The following FAIM2 variants were observed in gnomAD, a reference collection of about 807,000 sequenced individuals.
FAIM2 encodes the protein protein lifeguard 2.
Under a neutral mutation model 47.4 loss-of-function variants are expected in FAIM2, and 27 were observed. That is an observed-to-expected ratio of 0.57 (90% CI 0.42 to 0.78). The LOEUF (loss-of-function observed/expected upper bound fraction) is 0.78. FAIM2 is among the 30% of genes least tolerant of loss of function. The probability of loss-of-function intolerance (pLI) is 0.00; values close to 1 mark genes in which losing one functional copy is unlikely to be tolerated. For missense variants in FAIM2, 311 were observed against 389.4 expected, an observed-to-expected ratio of 0.80 and a Z score of 1.69; for synonymous variants, 156 against 159.3, an observed-to-expected ratio of 0.98 and a Z score of 0.16.
At chr12:49,895,860 A>G (rs1946932983) in intron 5 of FAIM2, among the ~76,000 whole-genome samples, 1 of 152,214 alleles carries the variant, frequency 6.6e-6, no homozygotes, top group Non-Finnish European at 1.5e-5. Context: ...CTCCTTGGCC[A>G]GGCAGTCAGA....
At chr12:49,879,379 T>G (rs1215845656) in intron 11 of FAIM2, among the ~76,000 whole-genome samples, 1 of 151,810 alleles carries the variant, frequency 6.6e-6, no homozygotes, top group East Asian at 1.9e-4. Flanking sequence ...TGTGTGTATA[T>G]GTGTATGTGG....
intron 11 of FAIM2, among the ~76,000 whole-genome samples, chr12:49,876,216 G>A (rs1267304999): frequency 6.6e-6 from 1 of 152,150 alleles, no homozygotes; most frequent in Non-Finnish European, 1.5e-5. Context: ...ACCAGGCACT[G>A]AGTGCTTTAC....
chr12:49,880,146 GTGTA>G (rs1401050602), intron 11 of FAIM2, among the ~76,000 whole-genome samples: 5 of 146,558 alleles, frequency 3.4e-5, no homozygotes, highest in Non-Finnish European at 6.1e-5. Context: ...GTATATGTGA[GTGTA>G]TGTGTGTGCA....
At chr12:49,876,696 CAGG>C (rs1946739179) in intron 11 of FAIM2, among the ~76,000 whole-genome samples, 1 of 151,956 alleles carries the variant, frequency 6.6e-6, no homozygotes, top group South Asian at 2.1e-4. Flanking sequence ...GGCGTGAACC[CAGG>C]AGGCAGAGCT....
At chr12:49,887,070 C>G (rs767498195) in intron 11 of FAIM2, among the ~76,000 whole-genome samples, 9 of 152,068 alleles carry the variant, frequency 5.9e-5, no homozygotes, top group East Asian at 1.9e-4. Flanking sequence ...AGGATACCCC[C>G]ACTCTCTCGC....
At chr12:49,901,553 G>T (rs1186076072) in intron 1 of FAIM2, 1 of 437,026 alleles carries the variant, frequency 2.3e-6, no homozygotes, top group Non-Finnish European at 4.0e-6. Flanking sequence ...AGGAACAGAG[G>T]AAAGAGAAAA....
At position 49,868,688 on chromosome 12, in the gene FAIM2, C is replaced by T. The variant is rs1198301265; in HGVS notation, c.*1816G>A. ...CACTCGCTAGCCGTATGACCTGGGACTCATTACCGAGCCTTTCTGAGCACC... is the reference window on the plus strand; with the variant it reads ...CACTCGCTAGCCGTATGACCTGGGATTCATTACCGAGCCTTTCTGAGCACC... On this transcript the variant is annotated 3_prime_UTR_variant, in exon 12 of 12. Transcript: ENST00000320634. The T allele has an allele frequency of 2.0e-5, 3 of 152,290 alleles. No homozygotes were observed. The highest frequency in any genetic ancestry group is 4.4e-5 in the Non-Finnish European group (3 of 68,136). The allele number at this position is 152,290 out of a possible 1,614,324, so 9.4% of individuals were successfully genotyped here.
intron 11 of FAIM2, among the ~76,000 whole-genome samples, chr12:49,878,008 ATGTG>A (rs1946751445): frequency 1.4e-5 from 2 of 147,214 alleles, no homozygotes; most frequent in African/African-American, 5.1e-5. Flanking sequence ...GTGCATGTGC[ATGTG>A]TGTATGTGTG....
chr12:49,889,660 G>A, intron 8 of FAIM2, 92 bp from the exon 9 acceptor site: 1 of 1,057,322 alleles, frequency 9.5e-7, no homozygotes. Flanking sequence ...GCCAGGACCT[G>A]GTCTTGGGAT....
chr12:49,882,922 G>A (rs1436707761), intron 11 of FAIM2, among the ~76,000 whole-genome samples: 3 of 152,178 alleles, frequency 2.0e-5, no homozygotes, highest in African/African-American at 7.2e-5. Context: ...CAACAGATCA[G>A]AAAAATACAT....
rs533569695 is a variant in FAIM2 at position 49,896,460 on chromosome 12, A to G, written c.434+571T>C. Among the ~76,000 whole-genome samples the G allele has an allele frequency of 2.8e-4, 43 of 152,256 alleles. No individual in the cohort carries two copies. The South Asian group carries it at 8.9e-3, about 32-fold the overall frequency. ...GCCTTAACCTGAATTCTGGGTTTGA[A>G]TCCCAGTTCTACCGCTGACTAGCTG... On this transcript the variant is annotated intron_variant, in intron 5 of 11. Coordinates refer to ENST00000320634, the MANE Select transcript of FAIM2 (RefSeq NM_012306.4).
chr12:49,896,948 T>C, intron 5 of FAIM2, 83 bp downstream of exon 5: 1 of 1,148,320 alleles, frequency 8.7e-7, no homozygotes, highest in Non-Finnish European at 1.3e-6. Flanking sequence ...CGGGCTCAGA[T>C]TAGGTCAAGA....
intron 8 of FAIM2, 42 bp downstream of exon 8, chr12:49,890,075 C>G: frequency 1.2e-6 from 2 of 1,604,552 alleles, no homozygotes; most frequent in Non-Finnish European, 1.7e-6. Context: ...TGGCTCCAAG[C>G]CTGGCCTATG....
intron 11 of FAIM2, among the ~76,000 whole-genome samples, chr12:49,884,284 G>A (rs1426361114): frequency 6.6e-6 from 1 of 151,930 alleles, no homozygotes; most frequent in Non-Finnish European, 1.5e-5. Context: ...GGAATTGTGA[G>A]GAGAGTAGGG....
At chr12:49,893,476 G>T (rs1448302788) in intron 5 of FAIM2, among the ~76,000 whole-genome samples, 1 of 152,136 alleles carries the variant, frequency 6.6e-6, no homozygotes, top group African/African-American at 2.4e-5. Context: ...TAGCATCTGG[G>T]GGCCAGCCTG....
At chr12:49,893,701 T>C (rs297930) in intron 5 of FAIM2, among the ~76,000 whole-genome samples, 2,000 of 152,278 alleles carry the variant, frequency 0.013, 39 homozygotes, top group African/African-American at 0.045. Flanking sequence ...TTTCAAATAA[T>C]GAGGAACTGT....
chr12:49,879,046 T>G (rs111064883), intron 11 of FAIM2, among the ~76,000 whole-genome samples: 51,041 of 125,246 alleles, frequency 0.41, 15,559 homozygotes, highest in South Asian at 0.56. Context: ...GTGCATGAGT[T>G]TGTGTATGTG....
chr12:49,898,484 A>G (rs984141708), intron 2 of FAIM2, among the ~76,000 whole-genome samples: 3 of 152,182 alleles, frequency 2.0e-5, no homozygotes, highest in African/African-American at 7.2e-5. Flanking sequence ...TGGGCCACCC[A>G]GCAGCAAAGA....
rs774500339 is a variant in FAIM2, at chr12:49,878,121, TGTGTGCATGTGA to T, written c.802-7480_802-7469del. 3.8e-4 allele frequency among the ~76,000 whole-genome samples: 52 copies of T among 136,622 alleles called. 5 individuals carry two copies. The highest frequency in any genetic ancestry group is 7.5e-4 in the South Asian group (3 of 3,996). The allele number at this position is 136,622 out of a possible 152,430, so 89.6% of individuals were successfully genotyped here. ...GTGTGTGCATGTGTGTATGTGGGTA[TGTGTGCATGTGA>T]GTGTGCATGTGAGTGTGTGTATGAG... On this transcript the variant is annotated intron_variant, in intron 11 of 11. Transcript: ENST00000320634.
Sources: gnomAD v4.1 joint callset for allele counts (sites outside exome capture counted in the v4.1 genomes callset) on GRCh38, gnomAD v4.1.1 for gene constraint, MANE v1.5 for transcripts, NCBI Gene and HGNC (gene_info 2026-07-23, HGNC 2026-07-21) for gene names.